DIP2B: variants seen among roughly 807,000 people sequenced by gnomAD.
DIP2B encodes DIP2 acetate--CoA ligase B (putative).
Under a neutral mutation model 198.0 loss-of-function variants are expected in DIP2B, and 76 were observed. That is an observed-to-expected ratio of 0.38 (90% confidence interval 0.32 to 0.46). The LOEUF is 0.46. Ranked by LOEUF, DIP2B falls within the 20% of genes least tolerant of loss-of-function variation. The pLI is 0.99. For missense variants in DIP2B, 1,559 were observed against 1,978.4 expected (o/e 0.79, Z 4.02); for synonymous variants, 701 against 739.1 (o/e 0.95, Z 0.84).
chr12:50,540,053 G>GTTT lies in DIP2B; in HGVS notation c.100+34840_100+34842dup, dbSNP rs60978324. ...TGGCAGGTAGTTTAGTTGTTTCTGT[G>GTTT]TTTTTTTTTTTTTTTTTTTTTTTTT... On this transcript the variant is annotated intron_variant, in intron 1 of 37. Coordinates refer to ENST00000301180, the MANE Select transcript of DIP2B (RefSeq NM_173602.3). Among the ~76,000 whole-genome samples, 18 of 44,162 alleles carry GTTT rather than the reference G, an allele frequency of 4.1e-4. 1 individual carries two copies. The highest frequency in any genetic ancestry group is 1.3e-3 in the Admixed American group (4 of 3,152). 29.0% of individuals were successfully genotyped at this position (44,162 alleles called of 152,430 possible).
intron 2 of DIP2B, among the ~76,000 whole-genome samples, chr12:50,626,981 T>C (rs1937948056): frequency 6.6e-6 from 1 of 152,190 alleles, no homozygotes; most frequent in Non-Finnish European, 1.5e-5. Flanking sequence ...AATACCTTCA[T>C]AGAGAAACTA....
At chr12:50,583,294 T>C (rs1227664123) in intron 1 of DIP2B, among the ~76,000 whole-genome samples, 2 of 150,646 alleles carry the variant, frequency 1.3e-5, no homozygotes, top group African/African-American at 4.9e-5. Context: ...CTCCACCACA[T>C]CTACACGTTT....
At chr12:50,683,344 A>G in intron 10 of DIP2B, 96 bp downstream of exon 10, 1 of 998,018 alleles carries the variant, frequency 1.0e-6, no homozygotes, top group African/African-American at 1.7e-5. Context: ...AAACTGTTCG[A>G]CCATTTTTGG....
chr12:50,537,024 T>C (rs1160796557), intron 1 of DIP2B, among the ~76,000 whole-genome samples: 1 of 151,446 alleles, frequency 6.6e-6, no homozygotes, highest in Non-Finnish European at 1.5e-5. Context: ...TAATCTCCTT[T>C]CTCCCCTACC....
chr12:50,643,264 A>G (rs1593681022), intron 3 of DIP2B, among the ~76,000 whole-genome samples: 2 of 152,216 alleles, frequency 1.3e-5, no homozygotes, highest in African/African-American at 4.8e-5. Context: ...GTTTTGCACC[A>G]TTGCTTTTTG....
At position 50,723,330 on chromosome 12, in the gene DIP2B, A is replaced by T; in HGVS notation, c.3288+7A>T. ...TGTCCGAATGATTGTTGATGTAAGT[A>T]CCAGCTGTATCTTGCCTTGTCCTCA... On this transcript the variant is annotated splice_region_variant and intron_variant, in intron 27 of 37. Coordinates refer to ENST00000301180, the MANE Select transcript of DIP2B (RefSeq NM_173602.3). 1 of 1,614,128 alleles carries T rather than the reference A, an allele frequency of 6.2e-7. No homozygotes were observed. The highest frequency in any genetic ancestry group is 2.2e-5 in the East Asian group (1 of 44,888).
intron 1 of DIP2B, among the ~76,000 whole-genome samples, chr12:50,550,617 A>G (rs1958419397): frequency 6.6e-6 from 1 of 152,214 alleles, no homozygotes; most frequent in South Asian, 2.1e-4. Context: ...TGGTAGAACC[A>G]GATTCGAAAC....
rs4026694 is a variant in DIP2B at position 50,716,958 on chromosome 12, C to CTTTTTTTTTTTTTT, written c.2852-1741_2852-1728dup. On this transcript the variant is annotated intron_variant, in intron 23 of 37. Coordinates refer to ENST00000301180, the MANE Select transcript of DIP2B (RefSeq NM_173602.3). Reference sequence around the variant, plus strand: ...CCTATCCTAGATTTACGAATTGTTGCTTTTTTTTTTTTTTTTTTTTTTTGA... The same window carrying CTTTTTTTTTTTTTT: ...CCTATCCTAGATTTACGAATTGTTGCTTTTTTTTTTTTTTTTTTTTTTTTTTTTTTTTTTTTTGA... Among the ~76,000 whole-genome samples, 103 of 58,934 alleles carry CTTTTTTTTTTTTTT rather than the reference C, an allele frequency of 1.7e-3. 18 individuals are homozygous for CTTTTTTTTTTTTTT. The highest frequency in any genetic ancestry group is 4.1e-3 in the African/African-American group (66 of 16,236). 38.7% of individuals were successfully genotyped at this position (58,934 alleles called of 152,430 possible).
At chr12:50,610,373 C>G (rs1476009247) in intron 1 of DIP2B, among the ~76,000 whole-genome samples, 1 of 152,080 alleles carries the variant, frequency 6.6e-6, no homozygotes, top group Non-Finnish European at 1.5e-5. Context: ...GAAATATCTG[C>G]TGGAACTCTG....
At chr12:50,658,288 T>C (rs1341639871) in intron 3 of DIP2B, among the ~76,000 whole-genome samples, 3 of 151,940 alleles carry the variant, frequency 2.0e-5, no homozygotes, top group Non-Finnish European at 4.4e-5. Context: ...AGGTGCGTGC[T>C]ACCATGCCTG....
At position 50,741,426 on chromosome 12, in the gene DIP2B, T is replaced by C. The variant is rs1940241453; in HGVS notation, c.4365T>C (p.Asp1455=). Residue 1455 remains aspartate, a synonymous_variant, in exon 37 of 38, where the codon GAT becomes GAC. Transcript: ENST00000301180. ...ELTAATGERH[D]ALYVVGALDE... The stretch of plus-strand genomic sequence containing the variant: ...TTTTCTTTCTGTCAGAGCGTCATGA[T>C]GCATTGTATGTGGTGGGAGCGCTGG... 1 of 1,613,908 alleles carries C rather than the reference T, an allele frequency of 6.2e-7. No homozygotes were observed. The highest frequency in any genetic ancestry group is 1.7e-5 in the Admixed American group (1 of 60,000).
At chr12:50,531,394 G>T (rs536813242) in intron 1 of DIP2B, among the ~76,000 whole-genome samples, 1 of 152,154 alleles carries the variant, frequency 6.6e-6, no homozygotes, top group Non-Finnish European at 1.5e-5. Flanking sequence ...GAACTGGAAA[G>T]CACCACCATT....
intron 2 of DIP2B, among the ~76,000 whole-genome samples, chr12:50,626,942 C>T (rs949761006): frequency 6.6e-6 from 1 of 151,920 alleles, no homozygotes; most frequent in African/African-American, 2.4e-5. Flanking sequence ...CTTTGATGTG[C>T]TTGTTTTATT....
intron 1 of DIP2B, among the ~76,000 whole-genome samples, chr12:50,577,336 C>T (rs1958671487): frequency 6.6e-6 from 1 of 151,868 alleles, no homozygotes; most frequent in Non-Finnish European, 1.5e-5. Flanking sequence ...TCGAGACCAT[C>T]CGGGCTAACA....
chr12:50,523,135 C>T (rs1038986674), intron 1 of DIP2B, among the ~76,000 whole-genome samples: 43 of 152,092 alleles, frequency 2.8e-4, no homozygotes, highest in African/African-American at 9.7e-4. Context: ...TTCCTTTCTT[C>T]GTAGGGGATT....
At chr12:50,732,771 G>A (rs951684834) in intron 32 of DIP2B, among the ~76,000 whole-genome samples, 6 of 152,188 alleles carry the variant, frequency 3.9e-5, no homozygotes, top group African/African-American at 1.4e-4. Context: ...CTGCCAACTC[G>A]GAGTTCTTGG....
At chr12:50,632,082 C>T (rs554620452) in intron 2 of DIP2B, among the ~76,000 whole-genome samples, 9 of 152,078 alleles carry the variant, frequency 5.9e-5, no homozygotes, top group Admixed American at 2.0e-4. Flanking sequence ...CTCCCGCCTC[C>T]GCCTTCCAAA....
At chr12:50,529,343 A>G (rs780228400) in intron 1 of DIP2B, among the ~76,000 whole-genome samples, 1 of 152,182 alleles carries the variant, frequency 6.6e-6, no homozygotes. Context: ...AATAAATGTC[A>G]TAAGGGAGAC....
chr12:50,589,700 C>T (rs1565835457), intron 1 of DIP2B, among the ~76,000 whole-genome samples: 1 of 151,926 alleles, frequency 6.6e-6, no homozygotes, highest in Non-Finnish European at 1.5e-5. Context: ...GGTGGGAGAT[C>T]GGGACCATTG....
Sources: allele counts gnomAD v4.1 joint callset (sites outside exome capture counted in the v4.1 genomes callset), GRCh38; gene constraint gnomAD v4.1.1; transcripts MANE v1.5; gene names NCBI Gene and HGNC (gene_info 2026-07-23, HGNC 2026-07-21).